LRRN2: variants seen among roughly 807,000 people sequenced by gnomAD.
LRRN2 encodes the protein leucine-rich repeat neuronal protein 2.
LRRN2 carries 10 observed loss-of-function variants against 35.7 expected under a neutral mutation model. The ratio of observed to expected loss-of-function variants is 0.28; its 90% confidence interval spans 0.17 to 0.47. The LOEUF (loss-of-function observed/expected upper bound fraction) is 0.47, where lower values mean the gene tolerates loss of function less well. Ranked by LOEUF, LRRN2 falls within the 20% of genes least tolerant of loss-of-function variation. The pLI is 0.99. For synonymous variants in LRRN2, 391 were observed against 409.6 expected (o/e 0.95, Z 0.55); for missense variants, 731 against 940.3 (o/e 0.78, Z 2.91).
chr1:204,679,406 G>A (rs143505883), intron 1 of LRRN2, among the ~76,000 whole-genome samples: 10 of 152,334 alleles, frequency 6.6e-5, no homozygotes, highest in Admixed American at 2.0e-4. Flanking sequence ...AGAGAGCAAA[G>A]TAACCTTTGC....
At chr1:204,645,821 A>G (rs891613829) in intron 1 of LRRN2, among the ~76,000 whole-genome samples, 3 of 152,150 alleles carry the variant, frequency 2.0e-5, no homozygotes, top group African/African-American at 7.2e-5. Context: ...TATAAAAACC[A>G]TCAGATCTCA....
At chr1:204,638,201 G>A (rs1282362614) in intron 1 of LRRN2, among the ~76,000 whole-genome samples, 4 of 149,994 alleles carry the variant, frequency 2.7e-5, no homozygotes, top group African/African-American at 9.9e-5. Flanking sequence ...ACTACTGTTC[G>A]CAGAGCCAGA....
At position 204,619,878 on chromosome 1, in the gene LRRN2, G is replaced by T; in HGVS notation, c.115C>A (p.Pro39Thr). The T allele has an allele frequency of 6.2e-7, 1 of 1,613,876 alleles. No homozygotes were observed. The highest frequency in any genetic ancestry group is 1.3e-5 in the African/African-American group (1 of 75,076). The change falls in exon 2 of 2, where the codon CCC becomes ACC. Residue 39 changes from proline (P) to threonine (T), a missense_variant. Around this residue, in one of 3 missense-constraint regions of LRRN2, gnomAD observed 246 missense variants for 289.5 expected, o/e 0.85. Transcript: ENST00000367177. ...TAGGACGAGCGGGGCGTATACCAGG[G>T]CCGGATCTGGCAGGCACACTGAGGG... ...CPPQCACQIR[P>T]WYTPRSSYRE...
Position 204,617,603 on chromosome 1 carries a change from G to A in LRRN2, c.*248C>T, listed in dbSNP as rs575841969. 3.7e-5 allele frequency: 19 copies of A among 514,866 alleles called. No homozygotes were observed. The highest frequency in any genetic ancestry group is 2.8e-4 in the South Asian group (12 of 43,528). 31.9% of individuals were successfully genotyped at this position (514,866 alleles called of 1,614,324 possible). ...GGGGAGGCAGGAGGCTCTAGCCAAA[G>A]TCCCTCCTGTTCCTTGGAGATGTTC... On this transcript the variant is annotated 3_prime_UTR_variant, in exon 2 of 2. Coordinates refer to ENST00000367177, the MANE Select transcript of LRRN2 (RefSeq NM_201630.2).
chr1:204,648,053 G>A (rs939553038), intron 1 of LRRN2, among the ~76,000 whole-genome samples: 1 of 152,156 alleles, frequency 6.6e-6, no homozygotes, highest in African/African-American at 2.4e-5. Flanking sequence ...GAAAGACTTA[G>A]GTTCAAATCC....
chr1:204,671,675 A>AAAC (rs1558422544), intron 1 of LRRN2, among the ~76,000 whole-genome samples: 8 of 111,386 alleles, frequency 7.2e-5, no homozygotes, highest in Admixed American at 3.0e-4. Flanking sequence ...AAAAAAGCAA[A>AAAC]GGTGCCAATG....
In LRRN2 at chr1:204,617,817, A is replaced by G. The variant is rs1182125143; in HGVS notation, c.*34T>C. The stretch of plus-strand genomic sequence containing the variant: ...TTCTCTTTTGGTAAAAAGTAGTCCT[A>G]GTGATTTCTCTACTGCTGAGAACAG... On this transcript the variant is annotated 3_prime_UTR_variant, in exon 2 of 2. Coordinates refer to ENST00000367177, the MANE Select transcript of LRRN2 (RefSeq NM_201630.2). The G allele has an allele frequency of 1.2e-6, 2 of 1,608,714 alleles. No individual in the cohort carries two copies. The highest frequency in any genetic ancestry group is 2.2e-5 in the South Asian group (2 of 90,888).
intron 1 of LRRN2, among the ~76,000 whole-genome samples, chr1:204,633,456 T>C (rs554756186): frequency 6.6e-6 from 1 of 152,298 alleles, no homozygotes; most frequent in South Asian, 2.1e-4. Flanking sequence ...AGATACAGTA[T>C]GCTTCCAAGT....
intron 1 of LRRN2, chr1:204,682,981 C>T (rs748684054): frequency 1.3e-5 from 2 of 152,190 alleles, no homozygotes; most frequent in Non-Finnish European, 2.9e-5. Flanking sequence ...GTTTGTTTAC[C>T]GCTGTATCTT....
At chr1:204,620,884 T>C (rs1666840527) in intron 1 of LRRN2, 1 of 167,024 alleles carries the variant, frequency 6.0e-6, no homozygotes, top group Non-Finnish European at 1.5e-5. Context: ...GCTCACTGGG[T>C]AAATGGAAGA....
chr1:204,657,652 G>A (rs907758834), intron 1 of LRRN2, among the ~76,000 whole-genome samples: 32 of 152,142 alleles, frequency 2.1e-4, no homozygotes, highest in Non-Finnish European at 2.4e-4. Context: ...TTTAGAATTA[G>A]ATAATGGCAA....
intron 1 of LRRN2, among the ~76,000 whole-genome samples, chr1:204,678,790 A>G (rs943457567): frequency 6.6e-6 from 1 of 151,950 alleles, no homozygotes; most frequent in Non-Finnish European, 1.5e-5. Flanking sequence ...ACAAGATAAC[A>G]AACTCCCCCT....
At chr1:204,636,457 C>T (rs1667836177) in intron 1 of LRRN2, among the ~76,000 whole-genome samples, 1 of 152,192 alleles carries the variant, frequency 6.6e-6, no homozygotes, top group African/African-American at 2.4e-5. Context: ...TAATGCTGGC[C>T]AGGCACAGTG....
chr1:204,659,505 T>G (rs1175200717), intron 1 of LRRN2, among the ~76,000 whole-genome samples: 1 of 152,178 alleles, frequency 6.6e-6, no homozygotes, highest in East Asian at 1.9e-4. Context: ...ATTATTCAAG[T>G]GCTCCTGGAA....
intron 1 of LRRN2, among the ~76,000 whole-genome samples, chr1:204,685,005 C>A (rs1475804949): frequency 1.3e-5 from 2 of 152,222 alleles, no homozygotes; most frequent in Admixed American, 1.3e-4. Context: ...CCTCTCCAGG[C>A]GAAGGCCCAG....
intron 1 of LRRN2, among the ~76,000 whole-genome samples, chr1:204,627,769 C>T (rs1667508729): frequency 6.6e-6 from 1 of 152,238 alleles, no homozygotes. Context: ...CCCCCTGCAC[C>T]CATCTCCTGG....
chr1:204,670,176 G>A lies in LRRN2; in HGVS notation c.-227+15144C>T, dbSNP rs559673719. On this transcript the variant is annotated intron_variant, in intron 1 of 1. Transcript: ENST00000367177. Reference sequence around the variant, plus strand: ...AGTGTGGAGGCTGTGGAGATGGGGAGGAGTGGAGTGGATGGACCCAGGTGC... The same window carrying A: ...AGTGTGGAGGCTGTGGAGATGGGGAAGAGTGGAGTGGATGGACCCAGGTGC... Among the ~76,000 whole-genome samples, 365 of 152,312 alleles carry A rather than the reference G, an allele frequency of 2.4e-3. 5 individuals carry two copies. Among genetic ancestry groups the A allele is most frequent in the African/African-American group, 8.4e-3 (350 of 41,564 alleles).
At chr1:204,685,266 G>C (rs1026774033) in intron 1 of LRRN2, 54 bp downstream of exon 1, 7 of 152,264 alleles carry the variant, frequency 4.6e-5, no homozygotes, top group Non-Finnish European at 1.0e-4. Context: ...CGGTGTCCAC[G>C]ATTCCCCGGC....
At chr1:204,635,340 G>A (rs1160257727) in intron 1 of LRRN2, among the ~76,000 whole-genome samples, 4 of 152,092 alleles carry the variant, frequency 2.6e-5, no homozygotes, top group South Asian at 4.2e-4. Flanking sequence ...TATTTTAAAT[G>A]TAATGTGTCT....
Sources: gnomAD v4.1 joint callset for allele counts (sites outside exome capture counted in the v4.1 genomes callset) on GRCh38, gnomAD v4.1.1 for gene constraint, gnomAD v4.1.1 regional missense constraint, MANE v1.5 for transcripts, NCBI Gene and HGNC (gene_info 2026-07-23, HGNC 2026-07-21) for gene names.